MMS22L: variants seen among roughly 807,000 people sequenced by gnomAD.
MMS22L encodes protein MMS22-like.
MMS22L carries 74 observed loss-of-function variants against 159.1 expected under a neutral mutation model. That is an observed-to-expected ratio of 0.47 (90% CI 0.39 to 0.56). The LOEUF is 0.56. Among genes scored for constraint, MMS22L ranks in the 20% least tolerant of loss-of-function variants. MMS22L has a pLI of 0.00. For missense variants in MMS22L, 1,351 were observed against 1,422.1 expected (o/e 0.95, Z 0.80); for synonymous variants, 517 against 506.9 (o/e 1.02, Z -0.27).
intron 3 of MMS22L, among the ~76,000 whole-genome samples, chr6:97,279,648 G>T (rs868251777): frequency 2.6e-5 from 4 of 151,734 alleles, no homozygotes; most frequent in Non-Finnish European, 5.9e-5. Flanking sequence ...TTAGCCGGGC[G>T]TGGTGGGGGG....
chr6:97,162,141 C>T lies in MMS22L; in HGVS notation c.3246G>A (p.Gly1082=). The T allele has an allele frequency of 1.9e-6, 3 of 1,602,676 alleles. No homozygotes were observed. Among genetic ancestry groups the T allele is most frequent in the South Asian group, 1.1e-5 (1 of 88,354 alleles). Residue 1082 remains glycine (G), a synonymous_variant, in exon 22 of 25, where the codon GGG becomes GGA. Transcript: ENST00000683635. The stretch of plus-strand genomic sequence containing the variant: ...ATGCTAAGCGAGGAGGAGGTGAGGA[C>T]CCCTTATACTCAAGGTAGGATTTCC... The part of the protein sequence containing the change: ...VIRKSYLEYK[G]SSPPPRLASI...
chr6:97,270,027 C>G (rs1815558562), intron 6 of MMS22L, 35 bp from the exon 7 acceptor site: 1 of 1,522,110 alleles, frequency 6.6e-7, no homozygotes, highest in South Asian at 1.2e-5. Flanking sequence ...ATTGAGAATT[C>G]ATTAATATTT....
chr6:97,269,201 A>T (rs181795470), intron 7 of MMS22L, among the ~76,000 whole-genome samples: 38 of 151,132 alleles, frequency 2.5e-4, no homozygotes, highest in Non-Finnish European at 4.3e-4. Context: ...AATTGCAGAT[A>T]AAAAAAAGCC....
intron 14 of MMS22L, among the ~76,000 whole-genome samples, chr6:97,194,687 C>T (rs889804239): frequency 6.6e-6 from 1 of 152,104 alleles, no homozygotes; most frequent in South Asian, 2.1e-4. Flanking sequence ...GAAAATACTC[C>T]TTTACTCTAT....
chr6:97,165,273 A>T lies in MMS22L; in HGVS notation c.3194T>A (p.Leu1065Gln). 3 of 1,613,086 alleles carry T rather than the reference A, an allele frequency of 1.9e-6. No individual in the cohort carries two copies. Among genetic ancestry groups the T allele is most frequent in the Non-Finnish European group, 2.5e-6 (3 of 1,179,350 alleles). Residue 1065 changes from leucine (L) to glutamine (Q), a missense_variant, in exon 21 of 25, where the codon CTA (leucine) becomes CAA (glutamine). Transcript: ENST00000683635. ...NTATIPPISS[L>Q]KKCIVQVIRK... ...TATGACTTGCACAATGCATTTCTTT[A>T]GAGATGATATTGGTGGAATAGTGGC...
Position 97,254,635 on chromosome 6 carries a change from T to G in MMS22L, c.1041A>C (p.Pro347=). Residue 347 remains proline (P), a synonymous_variant, in exon 10 of 25, where the codon CCA becomes CCC. Coordinates refer to ENST00000683635, the MANE Select transcript of MMS22L (RefSeq NM_001350599.2). ...SSMPVIQSRD[P]LGFSWWIITH... is the part of the protein sequence containing the mutation. Reference sequence around the variant, plus strand: ...TAATAATCCACCAACTAAAACCTAATGGATCCCTGGACTGGATTACAGGCA... The same window carrying G: ...TAATAATCCACCAACTAAAACCTAAGGGATCCCTGGACTGGATTACAGGCA... The G allele has an allele frequency of 6.2e-7, 1 of 1,613,674 alleles. No homozygotes were observed. Among genetic ancestry groups the G allele is most frequent in the Non-Finnish European group, 8.5e-7 (1 of 1,179,754 alleles).
At chr6:97,241,727 G>A in intron 11 of MMS22L, among the ~76,000 whole-genome samples, 1 of 152,100 alleles carries the variant, frequency 6.6e-6, no homozygotes, top group East Asian at 1.9e-4. Flanking sequence ...CAGACTTTTT[G>A]ATGTAGGCAT....
At position 97,182,005 on chromosome 6, in the gene MMS22L, A is replaced by C; in HGVS notation, c.2283T>G (p.Phe761Leu). ...MDMPSTAPSDFQPQPVISIIQ... is the reference protein window; with the variant it reads ...MDMPSTAPSDLQPQPVISIIQ... ...TAATTGATATAACTGGCTGAGGCTG[A>C]AAATCTGATGGAGCTGTGCTTGGCA... Residue 761 changes from phenylalanine to leucine, a missense_variant, in exon 16 of 25, where the codon TTT becomes TTG. By Grantham distance (22) the Phe-to-Leu change is conservative. Transcript: ENST00000683635. The C allele has an allele frequency of 6.2e-7, 1 of 1,613,850 alleles. No homozygotes were observed. Among genetic ancestry groups the C allele is most frequent in the South Asian group, 1.1e-5 (1 of 91,046 alleles).
chr6:97,162,442 A>G (rs1282633475), intron 21 of MMS22L, among the ~76,000 whole-genome samples: 1 of 152,046 alleles, frequency 6.6e-6, no homozygotes, highest in East Asian at 1.9e-4. Flanking sequence ...TCAAAATCCA[A>G]ATGAAAGCCT....
chr6:97,164,555 G>C (rs1450297034), intron 21 of MMS22L, among the ~76,000 whole-genome samples: 2 of 146,240 alleles, frequency 1.4e-5, no homozygotes, highest in Admixed American at 6.9e-5. Context: ...AAGACTTCAG[G>C]GTGCTTCATT....
At chr6:97,167,484 T>C (rs1298907991) in intron 20 of MMS22L, among the ~76,000 whole-genome samples, 2 of 152,176 alleles carry the variant, frequency 1.3e-5, no homozygotes, top group African/African-American at 4.8e-5. Context: ...ATCTTACATA[T>C]GACCACCAGA....
rs1800925154 is a variant in MMS22L at position 97,146,315 on chromosome 6, C to T, written c.*491G>A. The stretch of plus-strand genomic sequence containing the variant: ...GCCTCACACATATAAAAAAGAAAAA[C>T]AAATACACAGTCACATTTCCCAACA... On this transcript the variant is annotated 3_prime_UTR_variant, in exon 25 of 25. Transcript: ENST00000683635. The T allele has an allele frequency of 6.6e-6, 1 of 152,184 alleles. No individual in the cohort carries two copies. Among genetic ancestry groups the T allele is most frequent in the African/African-American group, 2.4e-5 (1 of 41,380 alleles). The allele number at this position is 152,184 out of a possible 1,614,324, so 9.4% of individuals were successfully genotyped here. A position where few individuals can be genotyped will look rare whatever the true frequency, so the allele number is the denominator to read the frequency against.
At chr6:97,235,332 C>A (rs1811284023) in intron 11 of MMS22L, among the ~76,000 whole-genome samples, 2 of 152,054 alleles carry the variant, frequency 1.3e-5, no homozygotes, top group Admixed American at 6.6e-5. Flanking sequence ...AGGTGAGTGT[C>A]CAGGGTATAC....
chr6:97,255,948 T>A (rs901695650), intron 9 of MMS22L, among the ~76,000 whole-genome samples: 4 of 152,168 alleles, frequency 2.6e-5, no homozygotes, highest in African/African-American at 7.2e-5. Flanking sequence ...CTTTCTTGTA[T>A]CTTTTCTATC....
chr6:97,158,114 T>C (rs1399015824), intron 22 of MMS22L, among the ~76,000 whole-genome samples: 4 of 152,218 alleles, frequency 2.6e-5, no homozygotes, highest in African/African-American at 9.6e-5. Flanking sequence ...TGTAGAGTTC[T>C]TTATAGTACT....
At chr6:97,170,987 C>CA (rs1379542885) in intron 19 of MMS22L, among the ~76,000 whole-genome samples, 1 of 152,068 alleles carries the variant, frequency 6.6e-6, no homozygotes, top group Admixed American at 6.6e-5. Flanking sequence ...GCATAGGTGA[C>CA]AGAGGGAGAC....
At chr6:97,247,611 G>A (rs1456909846) in intron 10 of MMS22L, among the ~76,000 whole-genome samples, 1 of 152,022 alleles carries the variant, frequency 6.6e-6, no homozygotes. Context: ...CCAGCTACCC[G>A]GGAGGCTGAG....
intron 14 of MMS22L, among the ~76,000 whole-genome samples, chr6:97,227,712 A>T (rs1810409966): frequency 6.6e-6 from 1 of 152,256 alleles, no homozygotes; most frequent in African/African-American, 2.4e-5. Flanking sequence ...ATATGATATT[A>T]GGAGGAGGGA....
intron 8 of MMS22L, 144 bp from the exon 9 acceptor site, chr6:97,263,592 C>A: frequency 2.4e-6 from 1 of 424,726 alleles, no homozygotes; most frequent in Non-Finnish European, 4.1e-6. Flanking sequence ...TGAAAATGTG[C>A]AATTTCATTT....
Sources: allele counts gnomAD v4.1 joint callset (sites outside exome capture counted in the v4.1 genomes callset), GRCh38; gene constraint gnomAD v4.1.1; transcripts MANE v1.5; gene names NCBI Gene and HGNC (gene_info 2026-07-23, HGNC 2026-07-21).